The following COL15A1 variants were observed in gnomAD, a reference collection of about 807,000 sequenced individuals.
The protein encoded by COL15A1 is collagen type XV alpha 1 chain, also known as collagen alpha-1(XV) chain.
Under a neutral mutation model 165.9 loss-of-function variants are expected in COL15A1, and 111 were observed. That is an observed-to-expected ratio of 0.67 (90% CI 0.57 to 0.78). COL15A1 has a LOEUF of 0.78. COL15A1 is among the 30% of genes least tolerant of loss of function. The probability of loss-of-function intolerance (pLI) is 0.00; values close to 1 mark genes in which losing one functional copy is unlikely to be tolerated. For synonymous variants in COL15A1, 659 were observed against 674.8 expected (o/e 0.98, Z 0.36); for missense variants, 1,745 against 1,789.7 (o/e 0.98, Z 0.45).
chr9:99,047,595 G>A (rs934291136), intron 26 of COL15A1, among the ~76,000 whole-genome samples, 191 bp from the exon 27 acceptor site: 1 of 152,184 alleles, frequency 6.6e-6, no homozygotes, highest in Admixed American at 6.5e-5. Flanking sequence ...TTGAGCAGGT[G>A]CTTCTAGCTG....
Position 99,016,239 on chromosome 9 carries a change from T to C in COL15A1, c.1647+120T>C, listed in dbSNP as rs1339292301. 4 of 1,308,774 alleles carry C rather than the reference T, an allele frequency of 3.1e-6. No homozygotes were observed. In the African/African-American group the frequency reaches 6.0e-5, roughly 20 times the overall value. The allele number at this position is 1,308,774 out of a possible 1,614,324, so 81.1% of individuals were successfully genotyped here. On this transcript the variant is annotated intron_variant, in intron 11 of 41. Coordinates refer to ENST00000375001, the MANE Select transcript of COL15A1 (RefSeq NM_001855.5). ...CTCAGAGGTAGGTTTTCATGTTGGT[T>C]TGCAAATTTGGGCATTTGAGGAGCT...
intron 17 of COL15A1, 27 bp from the exon 18 acceptor site, chr9:99,034,987 A>T: frequency 6.2e-7 from 1 of 1,604,024 alleles, no homozygotes; most frequent in Admixed American, 1.7e-5. Context: ...CCAGGGCTAG[A>T]TAATCAGCCT....
At chr9:98,967,032 A>G (rs1176395708) in intron 2 of COL15A1, among the ~76,000 whole-genome samples, 1 of 152,210 alleles carries the variant, frequency 6.6e-6, no homozygotes, top group African/African-American at 2.4e-5. Context: ...TTCATTCATC[A>G]AATGCTCAAT....
rs754085747 is a variant in COL15A1, at chr9:98,985,555, C to T, written c.101-10C>T. The T allele has an allele frequency of 6.2e-7, 1 of 1,606,668 alleles. No individual in the cohort carries two copies. Among genetic ancestry groups the T allele is most frequent in the South Asian group, 1.1e-5 (1 of 90,838 alleles). On this transcript the variant is annotated splice_polypyrimidine_tract_variant and intron_variant, in intron 2 of 41. Transcript: ENST00000375001. ...CCTGTAAAGCGTGGCCTCTCTCTCC[C>T]TCCCTGCAGAGACTGCTTCCCAGGG...
intron 7 of COL15A1, among the ~76,000 whole-genome samples, chr9:99,002,111 C>T (rs954671858): frequency 1.4e-5 from 2 of 140,436 alleles, no homozygotes; most frequent in Non-Finnish European, 3.1e-5. Context: ...TCACCTCCTC[C>T]TTCCCTCCTC....
intron 21 of COL15A1, among the ~76,000 whole-genome samples, chr9:99,036,898 TGG>T (rs1214558039): frequency 2.6e-5 from 4 of 152,180 alleles, no homozygotes; most frequent in Non-Finnish European, 4.4e-5. Flanking sequence ...GAAAGAAGTG[TGG>T]CTGAGCTGGG....
intron 2 of COL15A1, among the ~76,000 whole-genome samples, chr9:98,975,106 G>C (rs1838121890): frequency 6.6e-6 from 1 of 152,240 alleles, no homozygotes; most frequent in South Asian, 2.1e-4. Flanking sequence ...CCGCTGCCGC[G>C]CACGGTCCCG....
chr9:98,962,408 CA>C (rs1837879004), intron 2 of COL15A1, among the ~76,000 whole-genome samples: 1 of 152,314 alleles, frequency 6.6e-6, no homozygotes, highest in South Asian at 2.1e-4. Context: ...GTGACACTAG[CA>C]TGCGAAGAGC....
At chr9:99,003,831 C>T (rs926648919) in intron 8 of COL15A1, among the ~76,000 whole-genome samples, 4 of 152,288 alleles carry the variant, frequency 2.6e-5, no homozygotes, top group East Asian at 1.9e-4. Context: ...AGACGTGATT[C>T]CTGAAGACAG....
At chr9:98,968,232 T>C (rs10121123) in intron 2 of COL15A1, among the ~76,000 whole-genome samples, 22 of 152,238 alleles carry the variant, frequency 1.4e-4, no homozygotes, top group African/African-American at 5.3e-4. Flanking sequence ...GCAATCGTGC[T>C]TGGACACAGC....
chr9:98,997,181 C>A, intron 6 of COL15A1, 100 bp downstream of exon 6: 1 of 1,429,668 alleles, frequency 7.0e-7, no homozygotes, highest in South Asian at 1.3e-5. Context: ...CTCATTTAAC[C>A]TTCCCCTCAA....
intron 21 of COL15A1, 104 bp downstream of exon 21, chr9:99,036,500 T>C: frequency 1.7e-6 from 2 of 1,165,636 alleles, no homozygotes; most frequent in South Asian, 1.4e-5. Flanking sequence ...GCAGGAGGCA[T>C]GTAGCCAGTG....
chr9:99,019,794 T>C (rs1838996374), intron 11 of COL15A1, among the ~76,000 whole-genome samples: 1 of 152,126 alleles, frequency 6.6e-6, no homozygotes, highest in African/African-American at 2.4e-5. Context: ...ACCCAGCACA[T>C]AGTACATGCT....
intron 2 of COL15A1, among the ~76,000 whole-genome samples, chr9:98,967,493 C>G (rs1011236725): frequency 2.0e-5 from 3 of 152,240 alleles, no homozygotes; most frequent in Non-Finnish European, 4.4e-5. Context: ...TCCCCCACAG[C>G]TGGGGCCACT....
intron 2 of COL15A1, among the ~76,000 whole-genome samples, chr9:98,972,891 C>A (rs892923562): frequency 2.0e-5 from 3 of 152,212 alleles, no homozygotes; most frequent in Non-Finnish European, 2.9e-5. Flanking sequence ...AGGCAATGGG[C>A]TGTAACAGGC....
intron 21 of COL15A1, among the ~76,000 whole-genome samples, chr9:99,038,128 T>G (rs1015887700): frequency 2.8e-4 from 43 of 150,920 alleles, no homozygotes; most frequent in Admixed American, 1.2e-3. Flanking sequence ...AAAACACGAT[T>G]TTTAAAAATC....
At chr9:99,015,006 A>G (rs1374203374) in intron 9 of COL15A1, among the ~76,000 whole-genome samples, 30 of 152,086 alleles carry the variant, frequency 2.0e-4, no homozygotes. Context: ...TTCCTTATGG[A>G]CAAATTATTA....
At chr9:98,969,308 T>G (rs955145241) in intron 2 of COL15A1, among the ~76,000 whole-genome samples, 1 of 152,218 alleles carries the variant, frequency 6.6e-6, no homozygotes, top group Non-Finnish European at 1.5e-5. Flanking sequence ...CTCAGTGTTT[T>G]ATGTCTATTA....
rs1381657688 is a variant in COL15A1, at chr9:99,068,633, T to C, written c.3916T>C (p.Ser1306Pro). The change falls in exon 41 of 42, where the codon TCC (serine) becomes CCC (proline). Residue 1306 changes from serine to proline, a missense_variant. Ser to Pro is a moderately conservative substitution (Grantham distance 74). Coordinates refer to ENST00000375001, the MANE Select transcript of COL15A1 (RefSeq NM_001855.5). ...GTTCAATATGCATATTCCAATATACTCCTTTGATGGTCGAGACATAATGAC... is the reference window on the plus strand; with the variant it reads ...GTTCAATATGCATATTCCAATATACCCCTTTGATGGTCGAGACATAATGAC... ...GQFNMHIPIY[S>P]FDGRDIMTDP... is the part of the protein sequence containing the mutation. 1.9e-6 allele frequency: 3 copies of C among 1,561,686 alleles called. No homozygotes were observed. The highest frequency in any genetic ancestry group is 2.6e-6 in the Non-Finnish European group (3 of 1,162,380).
Sources: gnomAD v4.1 joint callset for allele counts (sites outside exome capture counted in the v4.1 genomes callset) on GRCh38, gnomAD v4.1.1 for gene constraint, MANE v1.5 for transcripts, NCBI Gene and HGNC (gene_info 2026-07-23, HGNC 2026-07-21) for gene names.